The following MAPK4 variants were observed in gnomAD, a reference collection of about 807,000 sequenced individuals.
The protein encoded by MAPK4 is Erk3-related.
MAPK4 carries 22 observed loss-of-function variants against 47.7 expected under a neutral mutation model. That is an observed-to-expected ratio of 0.46 (90% CI 0.33 to 0.66). The LOEUF is 0.66. MAPK4 is among the 30% of genes least tolerant of loss of function. The pLI, the probability that MAPK4 is intolerant of heterozygous loss-of-function variation, is 0.02. For missense variants in MAPK4, 736 were observed against 831.7 expected, an observed-to-expected ratio of 0.88 and a Z score of 1.42; for synonymous variants, 390 against 365.7, an observed-to-expected ratio of 1.07 and a Z score of -0.76.
At chr18:50,617,090 T>A (rs543604905) in intron 1 of MAPK4, among the ~76,000 whole-genome samples, 8 of 152,344 alleles carry the variant, frequency 5.3e-5, no homozygotes, top group African/African-American at 1.9e-4. Flanking sequence ...GCTTTATGTT[T>A]CTTTGAACTA....
intron 3 of MAPK4, among the ~76,000 whole-genome samples, chr18:50,715,935 A>G (rs1436743176): frequency 6.6e-6 from 1 of 151,994 alleles, no homozygotes; most frequent in Admixed American, 6.6e-5. Flanking sequence ...ACACCAAGTG[A>G]CCCACTGTTT....
intron 1 of MAPK4, among the ~76,000 whole-genome samples, chr18:50,646,257 C>G (rs2042988182): frequency 6.6e-6 from 1 of 152,242 alleles, no homozygotes; most frequent in Non-Finnish European, 1.5e-5. Context: ...CCCTCTCCAG[C>G]CAAGGCTGTC....
At chr18:50,687,696 G>A (rs78961685) in intron 2 of MAPK4, among the ~76,000 whole-genome samples, 430 of 151,872 alleles carry the variant, frequency 2.8e-3, no homozygotes, top group Non-Finnish European at 5.0e-3. Context: ...GTGTGACCTC[G>A]CCTGGCAACT....
intron 1 of MAPK4, among the ~76,000 whole-genome samples, chr18:50,660,814 T>C (rs558136810): frequency 6.6e-6 from 1 of 152,234 alleles, no homozygotes; most frequent in Admixed American, 6.5e-5. Flanking sequence ...AAGAGTCTAT[T>C]TAGCAGCCCA....
chr18:50,584,454 A>T (rs2042372575), intron 1 of MAPK4, among the ~76,000 whole-genome samples: 1 of 152,162 alleles, frequency 6.6e-6, no homozygotes, highest in Admixed American at 6.5e-5. Flanking sequence ...AAAACAACAG[A>T]TCCTCTTTTT....
intron 1 of MAPK4, among the ~76,000 whole-genome samples, chr18:50,643,450 G>A (rs1278158120): frequency 1.3e-5 from 2 of 152,276 alleles, no homozygotes; most frequent in African/African-American, 4.8e-5. Context: ...TTGAACCTGG[G>A]AAGCAGAGGT....
intron 1 of MAPK4, among the ~76,000 whole-genome samples, chr18:50,647,027 C>T (rs4939999): frequency 0.21 from 32,660 of 152,154 alleles, 3,585 homozygotes; most frequent in Middle Eastern, 0.29. Context: ...CACATCTGCC[C>T]CTCCACTCCC....
chr18:50,705,092 A>C (rs1392253568), intron 2 of MAPK4: 1 of 263,164 alleles, frequency 3.8e-6, no homozygotes, highest in Non-Finnish European at 7.1e-6. Flanking sequence ...AACCGGACCC[A>C]TACCCCACAC....
At chr18:50,617,794 AC>A (rs2042697820) in intron 1 of MAPK4, among the ~76,000 whole-genome samples, 1 of 152,146 alleles carries the variant, frequency 6.6e-6, no homozygotes, top group African/African-American at 2.4e-5. Context: ...ACCTTAAGCC[AC>A]CCCTCTTCCA....
At chr18:50,603,897 T>G (rs537111825) in intron 1 of MAPK4, among the ~76,000 whole-genome samples, 6 of 152,338 alleles carry the variant, frequency 3.9e-5, no homozygotes, top group African/African-American at 1.4e-4. Flanking sequence ...TAATGTTCAC[T>G]CCTTTACTCA....
At chr18:50,608,060 C>G (rs1428267683) in intron 1 of MAPK4, among the ~76,000 whole-genome samples, 1 of 152,150 alleles carries the variant, frequency 6.6e-6, no homozygotes, top group African/African-American at 2.4e-5. Context: ...TTATACCTTT[C>G]CCTAATCAAA....
chr18:50,631,436 C>G (rs1489280263), intron 1 of MAPK4, among the ~76,000 whole-genome samples: 1 of 152,186 alleles, frequency 6.6e-6, no homozygotes, highest in Non-Finnish European at 1.5e-5. Flanking sequence ...TAACAATGTC[C>G]ATGAGACCAC....
chr18:50,655,110 G>T (rs967403723), intron 1 of MAPK4, among the ~76,000 whole-genome samples: 10 of 152,258 alleles, frequency 6.6e-5, no homozygotes, highest in African/African-American at 2.4e-4. Flanking sequence ...GTCCCCACAG[G>T]CGTGTTCTTT....
intron 2 of MAPK4, among the ~76,000 whole-genome samples, chr18:50,712,290 G>A (rs1269395062): frequency 6.6e-6 from 1 of 152,172 alleles, no homozygotes; most frequent in East Asian, 1.9e-4. Context: ...AACTGGGTGT[G>A]TTGGTGTGCG....
chr18:50,633,868 A>G (rs2042854904), intron 1 of MAPK4, among the ~76,000 whole-genome samples: 2 of 152,128 alleles, frequency 1.3e-5, no homozygotes, highest in African/African-American at 2.4e-5. Flanking sequence ...CAGCTGGCCA[A>G]TTCTGCATCT....
intron 1 of MAPK4, among the ~76,000 whole-genome samples, chr18:50,565,526 A>C (rs1191554379): frequency 1.3e-5 from 2 of 152,240 alleles, no homozygotes; most frequent in African/African-American, 4.8e-5. Flanking sequence ...ATGTCCTTGC[A>C]TTAAAACAGG....
intron 1 of MAPK4, among the ~76,000 whole-genome samples, chr18:50,656,580 A>G (rs890495086): frequency 1.3e-5 from 2 of 151,954 alleles, no homozygotes; most frequent in South Asian, 4.1e-4. Flanking sequence ...TGAGTCCAGC[A>G]CCCACTTAAG....
intron 2 of MAPK4, among the ~76,000 whole-genome samples, chr18:50,667,743 G>A (rs911377297): frequency 6.6e-6 from 1 of 152,150 alleles, no homozygotes; most frequent in African/African-American, 2.4e-5. Flanking sequence ...TTTTTCCTCT[G>A]CTCTCACACC....
Position 50,718,623 on chromosome 18 carries a change from C to T in MAPK4, c.692-3315C>T, listed in dbSNP as rs529639383. On this transcript the variant is annotated intron_variant, in intron 3 of 5. Transcript: ENST00000400384. Reference sequence around the variant, plus strand: ...GACCCAGAAAATGTAATCTCTCAATCACAGCAATGAGGGAATTATTCAGTG... The same window carrying T: ...GACCCAGAAAATGTAATCTCTCAATTACAGCAATGAGGGAATTATTCAGTG... 4.6e-5 allele frequency among the ~76,000 whole-genome samples: 7 copies of T among 152,288 alleles called. No homozygotes were observed. The East Asian group carries it at 1.3e-3, about 29-fold the overall frequency.
Sources: gnomAD v4.1 joint callset for allele counts (sites outside exome capture counted in the v4.1 genomes callset) on GRCh38, gnomAD v4.1.1 for gene constraint, MANE v1.5 for transcripts, NCBI Gene and HGNC (gene_info 2026-07-23, HGNC 2026-07-21) for gene names.